SRGAP1: variants seen among roughly 807,000 people sequenced by gnomAD.
The protein encoded by SRGAP1 is SLIT-ROBO Rho GTPase-activating protein 1.
In SRGAP1, 43 loss-of-function variants were observed where a neutral mutation model predicts 121.9. That is an observed-to-expected ratio of 0.35 (90% CI 0.28 to 0.46). The LOEUF (loss-of-function observed/expected upper bound fraction) is 0.46, where lower values mean the gene tolerates loss of function less well. Among genes scored for constraint, SRGAP1 ranks in the 20% least tolerant of loss-of-function variants. The pLI is 1.00. For synonymous variants in SRGAP1, 447 were observed against 485.4 expected, an observed-to-expected ratio of 0.92 and a Z score of 1.04; for missense variants, 1,102 against 1,350.9, an observed-to-expected ratio of 0.82 and a Z score of 2.89.
chr12:64,043,030 C>A, intron 5 of SRGAP1, 58 bp downstream of exon 5: 2 of 1,185,768 alleles, frequency 1.7e-6, no homozygotes, highest in Non-Finnish European at 2.5e-6. Context: ...ATACTAAGAA[C>A]ACTGATGCAA....
chr12:64,037,947 T>G (rs2034933985), intron 4 of SRGAP1, among the ~76,000 whole-genome samples: 1 of 152,228 alleles, frequency 6.6e-6, no homozygotes. Flanking sequence ...TAAGAGTGAC[T>G]GTATCCCTTA....
chr12:63,999,004 C>G (rs1483932013), intron 3 of SRGAP1, among the ~76,000 whole-genome samples: 1 of 152,106 alleles, frequency 6.6e-6, no homozygotes, highest in Non-Finnish European at 1.5e-5. Flanking sequence ...AATTACAGAA[C>G]AGCATGTTAA....
intron 1 of SRGAP1, among the ~76,000 whole-genome samples, chr12:63,924,298 C>G (rs1252216788): frequency 6.6e-6 from 1 of 152,188 alleles, no homozygotes; most frequent in Non-Finnish European, 1.5e-5. Context: ...AAAGTGGGTG[C>G]CATCCTTCTT....
At chr12:63,983,818 A>G (rs368685679) in intron 1 of SRGAP1, 129 bp from the exon 2 acceptor site, 1 of 53,550 alleles carries the variant, frequency 1.9e-5, no homozygotes, top group African/African-American at 7.6e-5. Flanking sequence ...ATATATATAT[A>G]TATATATATA....
chr12:63,851,506 G>A (rs1899071841), intron 1 of SRGAP1, among the ~76,000 whole-genome samples: 1 of 151,972 alleles, frequency 6.6e-6, no homozygotes, highest in Non-Finnish European at 1.5e-5. Context: ...GATTAGTTGT[G>A]TGATCTCTAA....
chr12:64,091,951 G>C (rs1431817620), intron 12 of SRGAP1: 4 of 1,531,474 alleles, frequency 2.6e-6, no homozygotes. Flanking sequence ...GGACGTGAGG[G>C]TGCTCTTTCA....
intron 1 of SRGAP1, among the ~76,000 whole-genome samples, chr12:63,924,758 T>C (rs541455307): frequency 6.6e-6 from 1 of 152,240 alleles, no homozygotes; most frequent in South Asian, 2.1e-4. Flanking sequence ...CTTGGTTACT[T>C]TGTGGCTTGC....
intron 1 of SRGAP1, among the ~76,000 whole-genome samples, chr12:63,915,920 A>G (rs1440078574): frequency 2.0e-5 from 3 of 152,204 alleles, no homozygotes; most frequent in Admixed American, 6.5e-5. Flanking sequence ...ATGAAATAGA[A>G]GCCTTGGTCA....
Position 64,149,381 on chromosome 12 carries a change from C to T in SRGAP1, c.*6709C>T, listed in dbSNP as rs187434138. On this transcript the variant is annotated 3_prime_UTR_variant, in exon 22 of 22. Transcript: ENST00000355086. ...GCTTATCAAGTCATGTTCTCTTACCCGATGCTGGATGCTTTTTCTTCAATG... is the reference window on the plus strand; with the variant it reads ...GCTTATCAAGTCATGTTCTCTTACCTGATGCTGGATGCTTTTTCTTCAATG... 93 of 152,284 alleles carry T rather than the reference C, an allele frequency of 6.1e-4. No homozygotes were observed. Among genetic ancestry groups the T allele is most frequent in the Non-Finnish European group, 9.8e-4 (67 of 68,048 alleles). The allele number at this position is 152,284 out of a possible 1,614,324, so 9.4% of individuals were successfully genotyped here.
At chr12:64,004,864 C>G (rs964990507) in intron 3 of SRGAP1, among the ~76,000 whole-genome samples, 1 of 152,170 alleles carries the variant, frequency 6.6e-6, no homozygotes, top group Non-Finnish European at 1.5e-5. Context: ...AGCCAACTTT[C>G]TTACCAGTTG....
chr12:64,123,209 T>C (rs1411110422), intron 18 of SRGAP1, among the ~76,000 whole-genome samples: 1 of 152,194 alleles, frequency 6.6e-6, no homozygotes, highest in Non-Finnish European at 1.5e-5. Flanking sequence ...GTAAATAAAT[T>C]AGCATGCCAC....
At chr12:64,030,511 A>G (rs1486174392) in intron 4 of SRGAP1, among the ~76,000 whole-genome samples, 1 of 152,216 alleles carries the variant, frequency 6.6e-6, no homozygotes, top group East Asian at 1.9e-4. Flanking sequence ...CTTTTTCATT[A>G]GTTTTATTAA....
intron 4 of SRGAP1, among the ~76,000 whole-genome samples, chr12:64,030,779 A>G (rs1450142632): frequency 6.6e-6 from 1 of 152,192 alleles, no homozygotes; most frequent in Non-Finnish European, 1.5e-5. Context: ...AGTAATAGAT[A>G]TCCCTGTATA....
At chr12:64,009,679 A>G (rs1218183194) in intron 3 of SRGAP1, among the ~76,000 whole-genome samples, 1 of 152,148 alleles carries the variant, frequency 6.6e-6, no homozygotes, top group Non-Finnish European at 1.5e-5. Flanking sequence ...TTGATTTGAA[A>G]TGAAGCTCTG....
chr12:63,904,944 A>G (rs2030129590), intron 1 of SRGAP1, among the ~76,000 whole-genome samples: 1 of 152,106 alleles, frequency 6.6e-6, no homozygotes, highest in Admixed American at 6.6e-5. Flanking sequence ...ACAAAACAAA[A>G]CAAAAATACA....
At chr12:63,967,992 G>A (rs756153070) in intron 1 of SRGAP1, among the ~76,000 whole-genome samples, 1 of 152,194 alleles carries the variant, frequency 6.6e-6, no homozygotes, top group Non-Finnish European at 1.5e-5. Flanking sequence ...TAGGAAACTA[G>A]TGTGAGAAGT....
rs528962999 is a variant in SRGAP1, at chr12:63,891,858, A to G, written c.67+46975A>G. 2.6e-5 allele frequency among the ~76,000 whole-genome samples: 4 copies of G among 151,890 alleles called. No homozygotes were observed. The South Asian group carries it at 8.3e-4, about 32-fold the overall frequency. ...AAAAATTAGCTGGGTGTGGTGGCAG[A>G]CACCTATAGTTCCAGCTACTGTGGG... is the stretch of plus-strand genomic sequence containing the variant. On this transcript the variant is annotated intron_variant, in intron 1 of 21. Transcript: ENST00000355086.
intron 3 of SRGAP1, among the ~76,000 whole-genome samples, chr12:64,012,551 C>CTTTTTTTTTTTTTTTTTT (rs386376760): frequency 1.3e-5 from 1 of 77,662 alleles, no homozygotes; most frequent in African/African-American, 5.8e-5. Context: ...AAGTTATTAT[C>CTTTTTTTTTTTTTTTTTT]TTTTTTTTTT....
intron 8 of SRGAP1, among the ~76,000 whole-genome samples, chr12:64,074,317 T>C (rs1020971748): frequency 1.3e-5 from 2 of 152,224 alleles, no homozygotes; most frequent in Non-Finnish European, 2.9e-5. Flanking sequence ...AAAATGTAAA[T>C]CTAAACTGTC....
Sources: gnomAD v4.1 joint callset for allele counts (sites outside exome capture counted in the v4.1 genomes callset) on GRCh38, gnomAD v4.1.1 for gene constraint, MANE v1.5 for transcripts, NCBI Gene and HGNC (gene_info 2026-07-23, HGNC 2026-07-21) for gene names.